Variants in CPA6 observed in about 807,000 individuals in gnomAD.
CPA6 encodes the protein carboxypeptidase A6.
Under a neutral mutation model 63.3 loss-of-function variants are expected in CPA6, and 58 were observed. That is an observed-to-expected ratio of 0.92 (90% CI 0.74 to 1.14). The LOEUF (loss-of-function observed/expected upper bound fraction) is 1.14. Ranked by LOEUF, CPA6 falls within the 50% of genes most tolerant of loss-of-function variation. CPA6 has a pLI of 0.00. For missense variants in CPA6, 565 were observed against 526.6 expected (o/e 1.07, Z -0.71); for synonymous variants, 185 against 179.0 (o/e 1.03, Z -0.27).
chr8:67,588,307 G>A (rs1463706163), intron 2 of CPA6, among the ~76,000 whole-genome samples: 1 of 152,188 alleles, frequency 6.6e-6, no homozygotes, highest in Non-Finnish European at 1.5e-5. Context: ...GATGACTGGA[G>A]GTTGGAAATA....
intron 9 of CPA6, among the ~76,000 whole-genome samples, chr8:67,433,428 C>T (rs771423990): frequency 6.6e-6 from 1 of 152,148 alleles, no homozygotes; most frequent in Non-Finnish European, 1.5e-5. Flanking sequence ...GAGAAAGAAA[C>T]TCTGCTTTTT....
At chr8:67,549,200 C>T (rs1449379142) in intron 2 of CPA6, among the ~76,000 whole-genome samples, 2 of 151,888 alleles carry the variant, frequency 1.3e-5, no homozygotes, top group Non-Finnish European at 2.9e-5. Context: ...CAGAAATATA[C>T]TGATTTTGCT....
intron 8 of CPA6, among the ~76,000 whole-genome samples, chr8:67,472,364 A>T (rs529129363): frequency 8.6e-6 from 1 of 115,704 alleles, no homozygotes; most frequent in East Asian, 2.3e-4. Context: ...GTTATTTGTA[A>T]AAGATTTATT....
At chr8:67,684,875 G>C (rs1816679475) in intron 1 of CPA6, among the ~76,000 whole-genome samples, 1 of 152,126 alleles carries the variant, frequency 6.6e-6, no homozygotes, top group Admixed American at 6.5e-5. Flanking sequence ...CCTGTCTTCA[G>C]CAAGAATCCC....
At chr8:67,715,417 G>A (rs1490030285) in intron 1 of CPA6, among the ~76,000 whole-genome samples, 2 of 152,232 alleles carry the variant, frequency 1.3e-5, no homozygotes, top group Non-Finnish European at 2.9e-5. Context: ...TCTCTGCAAT[G>A]TTTGAAGTGA....
intron 1 of CPA6, among the ~76,000 whole-genome samples, chr8:67,634,176 TTTAA>T: frequency 8.4e-6 from 1 of 118,344 alleles, no homozygotes; most frequent in South Asian, 2.8e-4. Context: ...AGTCACTGGA[TTTAA>T]TTATTATTAT....
chr8:67,647,850 C>T (rs1471369745), intron 1 of CPA6, among the ~76,000 whole-genome samples: 3 of 152,146 alleles, frequency 2.0e-5, no homozygotes, highest in Non-Finnish European at 4.4e-5. Context: ...ATTATATGTT[C>T]TTCAAGCCCA....
intron 2 of CPA6, among the ~76,000 whole-genome samples, chr8:67,566,955 AGTAT>A (rs1813352358): frequency 6.6e-6 from 1 of 152,260 alleles, no homozygotes; most frequent in African/African-American, 2.4e-5. Context: ...TTTAGGCCAC[AGTAT>A]GTAACATAAA....
At chr8:67,732,229 T>C (rs1456381675) in intron 1 of CPA6, among the ~76,000 whole-genome samples, 1 of 152,180 alleles carries the variant, frequency 6.6e-6, no homozygotes, top group Non-Finnish European at 1.5e-5. Flanking sequence ...CACATACAGG[T>C]GGCAGCTGTG....
intron 2 of CPA6, among the ~76,000 whole-genome samples, chr8:67,522,811 G>A (rs961160566): frequency 2.0e-5 from 3 of 152,242 alleles, no homozygotes; most frequent in East Asian, 1.9e-4. Flanking sequence ...ACAGGCTGTG[G>A]TGGATGCAGT....
At chr8:67,656,724 G>T (rs1815995114) in intron 1 of CPA6, among the ~76,000 whole-genome samples, 1 of 152,174 alleles carries the variant, frequency 6.6e-6, no homozygotes, top group Non-Finnish European at 1.5e-5. Flanking sequence ...AAGGCTCCTT[G>T]TAAAGAAGTC....
chr8:67,713,254 T>A (rs1817311110), intron 1 of CPA6, among the ~76,000 whole-genome samples: 1 of 151,138 alleles, frequency 6.6e-6, no homozygotes, highest in Admixed American at 6.6e-5. Context: ...TGATCAGGAT[T>A]TAATATTTTC....
chr8:67,727,945 G>T (rs1477711379), intron 1 of CPA6, among the ~76,000 whole-genome samples: 3 of 151,854 alleles, frequency 2.0e-5, no homozygotes, highest in Admixed American at 6.5e-5. Flanking sequence ...TGGTGTGGTG[G>T]CAAGTGCCTG....
chr8:67,698,850 T>C (rs1816961656), intron 1 of CPA6, among the ~76,000 whole-genome samples: 1 of 152,208 alleles, frequency 6.6e-6, no homozygotes, highest in South Asian at 2.1e-4. Context: ...GCAAGAATGG[T>C]GCCCAGAAGT....
intron 2 of CPA6, among the ~76,000 whole-genome samples, chr8:67,564,126 A>C (rs1813280019): frequency 1.3e-5 from 2 of 152,214 alleles, no homozygotes; most frequent in Non-Finnish European, 2.9e-5. Context: ...GGTGCTTAGC[A>C]TTGCAAAAAT....
At chr8:67,615,372 C>T (rs116242036) in intron 2 of CPA6, among the ~76,000 whole-genome samples, 3,585 of 152,266 alleles carry the variant, frequency 0.024, 104 homozygotes, top group African/African-American at 0.067. Flanking sequence ...GGAACTTTGT[C>T]TATTCCTGTA....
chr8:67,439,617 A>G (rs893597676), intron 8 of CPA6, among the ~76,000 whole-genome samples: 2 of 151,914 alleles, frequency 1.3e-5, no homozygotes, highest in Non-Finnish European at 2.9e-5. Context: ...AAAAAGAAAA[A>G]GAAAGAAAAG....
chr8:67,518,085 G>A (rs767426019), intron 2 of CPA6, 38 bp from the exon 3 acceptor site: 53 of 1,491,792 alleles, frequency 3.6e-5, no homozygotes, highest in Admixed American at 2.4e-4. Context: ...CATATCCAAC[G>A]TAGGGGGGGA....
At chr8:67,608,317 G>A (rs1247465507) in intron 2 of CPA6, among the ~76,000 whole-genome samples, 2 of 152,106 alleles carry the variant, frequency 1.3e-5, no homozygotes, top group African/African-American at 4.8e-5. Context: ...CAAACCCCAG[G>A]CTCCATGAGC....
Sources: allele counts gnomAD v4.1 joint callset (sites outside exome capture counted in the v4.1 genomes callset), GRCh38; gene constraint gnomAD v4.1.1; transcripts MANE v1.5; gene names NCBI Gene and HGNC (gene_info 2026-07-23, HGNC 2026-07-21).